ANAPC4: variants seen among roughly 807,000 people sequenced by gnomAD.
ANAPC4 encodes the protein anaphase promoting complex subunit 4.
In ANAPC4, 63 loss-of-function variants were observed where a neutral mutation model predicts 119.8. The ratio of observed to expected loss-of-function variants is 0.53; its 90% CI spans 0.43 to 0.65. The LOEUF (loss-of-function observed/expected upper bound fraction) is 0.65, where lower values mean the gene tolerates loss of function less well. Ranked by LOEUF, ANAPC4 falls within the 30% of genes least tolerant of loss-of-function variation. The pLI, the probability that ANAPC4 is intolerant of heterozygous loss-of-function variation, is 0.00. For synonymous variants in ANAPC4, 283 were observed against 318.6 expected, an observed-to-expected ratio of 0.89 and a Z score of 1.19; for missense variants, 716 against 945.1, an observed-to-expected ratio of 0.76 and a Z score of 3.18.
In ANAPC4 at chr4:25,406,708, G is replaced by T. The variant is rs758722614; in HGVS notation, c.1318-121G>T. On this transcript the variant is annotated intron_variant, in intron 18 of 28. Coordinates refer to ENST00000315368, the MANE Select transcript of ANAPC4 (RefSeq NM_013367.3). ...ATCTATATTTCTTTGAAAGAACTTT[G>T]CCAGTTTTCCCATGGCTTTTAGTAG... is the stretch of plus-strand genomic sequence containing the variant. 50 of 688,508 alleles carry T rather than the reference G, an allele frequency of 7.3e-5. No homozygotes were observed. The highest frequency in any genetic ancestry group is 8.8e-5 in the South Asian group (5 of 56,806). The allele number at this position is 688,508 out of a possible 1,614,324, so 42.6% of individuals were successfully genotyped here. A position where few individuals can be genotyped will look rare whatever the true frequency, so the allele number is the denominator to read the frequency against.
At chr4:25,386,952 A>G (rs991858791) in intron 4 of ANAPC4, among the ~76,000 whole-genome samples, 2 of 152,240 alleles carry the variant, frequency 1.3e-5, no homozygotes, top group African/African-American at 4.8e-5. Context: ...AATGGAAAAC[A>G]ACCTCAATTT....
At chr4:25,395,914 C>G (rs146064283) in intron 14 of ANAPC4, among the ~76,000 whole-genome samples, 5 of 152,202 alleles carry the variant, frequency 3.3e-5, no homozygotes, top group African/African-American at 1.2e-4. Context: ...ATATTTCTCT[C>G]TTAAAAACTT....
At position 25,377,489 on chromosome 4, in the gene ANAPC4, A is replaced by T. The variant is rs1379844841; in HGVS notation, c.62A>T (p.Gln21Leu). ...GTGGTGGGAGAGAAGCAGCTCCCGC[A>T]GGAGATTATTTTCCTGGTCTGGTCG... ...FRVVGEKQLP[Q>L]EIIFLVWSPK... The change falls in exon 2 of 29, where the codon CAG (glutamine) becomes CTG (leucine). Residue 21 changes from glutamine to leucine, a missense_variant. By Grantham distance (113) the Gln-to-Leu change is moderately radical. This residue lies in a region of ANAPC4 where 202 missense variants were observed against 293.5 expected (regional missense o/e 0.69). Transcript: ENST00000315368. The T allele has an allele frequency of 6.2e-7, 1 of 1,614,020 alleles. No individual in the cohort carries two copies. The highest frequency in any genetic ancestry group is 1.1e-5 in the South Asian group (1 of 91,072).
intron 2 of ANAPC4, 48 bp downstream of exon 2, chr4:25,377,604 G>T (rs6830160): frequency 0.087 from 132,428 of 1,525,268 alleles, 5,913 homozygotes; most frequent in South Asian, 0.11. Context: ...GCTCCCGGGG[G>T]GCCCAAGAAC....
chr4:25,402,214 A>G (rs1723016872), intron 16 of ANAPC4, among the ~76,000 whole-genome samples: 1 of 152,230 alleles, frequency 6.6e-6, no homozygotes, highest in South Asian at 2.1e-4. Context: ...TGAAAGGTTA[A>G]TGATACTGAC....
chr4:25,418,046 AT>A (rs1723978495), intron 28 of ANAPC4, 108 bp from the exon 29 acceptor site: 1 of 1,096,532 alleles, frequency 9.1e-7, no homozygotes, highest in Non-Finnish European at 1.3e-6. Flanking sequence ...ATTGATGGGA[AT>A]ATAACTTTCC....
At chr4:25,414,051 C>T (rs2109145807) in intron 22 of ANAPC4, 1 of 463,226 alleles carries the variant, frequency 2.2e-6, no homozygotes. Flanking sequence ...TGTGTCTCTG[C>T]TTACTACTGA....
chr4:25,387,950 C>A (rs1560431886), intron 4 of ANAPC4, among the ~76,000 whole-genome samples: 1 of 151,908 alleles, frequency 6.6e-6, no homozygotes, highest in Non-Finnish European at 1.5e-5. Context: ...CATAGTGAGA[C>A]CCCCATCTCT....
intron 4 of ANAPC4, among the ~76,000 whole-genome samples, chr4:25,386,432 C>T (rs568789880): frequency 1.6e-4 from 24 of 151,824 alleles, no homozygotes; most frequent in Non-Finnish European, 2.5e-4. Context: ...AGGCTGGTCT[C>T]GAACTCCTCT....
intron 25 of ANAPC4, 178 bp from the exon 26 acceptor site, chr4:25,415,288 T>C (rs2109147327): frequency 4.2e-6 from 2 of 473,162 alleles, no homozygotes; most frequent in South Asian, 1.0e-4. Flanking sequence ...CAAATGTCTT[T>C]GGTGACTGTG....
At chr4:25,399,435 G>A (rs141231046) in intron 16 of ANAPC4, among the ~76,000 whole-genome samples, 71 of 151,072 alleles carry the variant, frequency 4.7e-4, no homozygotes, top group African/African-American at 1.5e-3. Context: ...CATCATGTAT[G>A]TATGTATATG....
chr4:25,407,407 A>G (rs1031486112), intron 20 of ANAPC4, among the ~76,000 whole-genome samples, 154 bp downstream of exon 20: 4 of 152,168 alleles, frequency 2.6e-5, no homozygotes, highest in Non-Finnish European at 5.9e-5. Context: ...TGATCTGAGA[A>G]CACTTTTACA....
intron 18 of ANAPC4, among the ~76,000 whole-genome samples, chr4:25,406,159 T>G (rs1291013276): frequency 1.3e-5 from 2 of 152,120 alleles, no homozygotes; most frequent in Non-Finnish European, 2.9e-5. Flanking sequence ...GTTTTGAGCC[T>G]GAAAAAATGG....
chr4:25,379,439 A>G (rs1381958526), intron 2 of ANAPC4, among the ~76,000 whole-genome samples: 2 of 152,174 alleles, frequency 1.3e-5, no homozygotes, highest in African/African-American at 4.8e-5. Context: ...GGAGATTTAC[A>G]AGAAGAGAAG....
At chr4:25,401,156 A>G (rs1016590939) in intron 16 of ANAPC4, among the ~76,000 whole-genome samples, 9 of 152,126 alleles carry the variant, frequency 5.9e-5, no homozygotes, top group South Asian at 4.1e-4. Context: ...CTGTTCCCTG[A>G]ATTATCTTCC....
intron 17 of ANAPC4, among the ~76,000 whole-genome samples, chr4:25,404,840 A>G (rs1166252770): frequency 3.9e-5 from 6 of 152,112 alleles, no homozygotes; most frequent in African/African-American, 1.4e-4. Context: ...TATGCTCAAT[A>G]AGTAGTTTTT....
At chr4:25,394,422 G>A in intron 12 of ANAPC4, 48 bp downstream of exon 12, 1 of 1,468,472 alleles carries the variant, frequency 6.8e-7, no homozygotes, top group South Asian at 1.3e-5. Context: ...TTTTTTAACA[G>A]TAATTATTTA....
intron 16 of ANAPC4, among the ~76,000 whole-genome samples, chr4:25,400,512 G>A (rs1222266174): frequency 6.6e-6 from 1 of 152,148 alleles, no homozygotes; most frequent in African/African-American, 2.4e-5. Flanking sequence ...AAGAATACAA[G>A]GAGAGCTGTG....
chr4:25,413,400 A>C, intron 21 of ANAPC4: 1 of 356,220 alleles, frequency 2.8e-6, no homozygotes, highest in Non-Finnish European at 5.0e-6. Flanking sequence ...CTACAGTTGG[A>C]TTTTGGTGAG....
Sources: gnomAD v4.1 joint callset for allele counts (sites outside exome capture counted in the v4.1 genomes callset) on GRCh38, gnomAD v4.1.1 for gene constraint, gnomAD v4.1.1 regional missense constraint, MANE v1.5 for transcripts, NCBI Gene and HGNC (gene_info 2026-07-23, HGNC 2026-07-21) for gene names.